ACCS: variants seen among roughly 807,000 people sequenced by gnomAD.
ACCS encodes the protein 1-aminocyclopropane-1-carboxylate synthase homolog (inactive).
A neutral mutation model predicts 59.8 loss-of-function variants in ACCS; 42 were observed. The observed-to-expected ratio is 0.70, with a 90% CI of 0.55 to 0.91. ACCS has a LOEUF of 0.91. ACCS is among the 40% of genes least tolerant of loss of function. The pLI is 0.00. For missense variants in ACCS, 602 were observed against 630.4 expected (o/e 0.95, Z 0.48); for synonymous variants, 230 against 240.3 (o/e 0.96, Z 0.40).
intron 12 of ACCS, among the ~76,000 whole-genome samples, chr11:44,081,649 A>G (rs1033694952): frequency 2.6e-5 from 4 of 152,364 alleles, no homozygotes; most frequent in African/African-American, 4.8e-5. Flanking sequence ...ATGTGAATTC[A>G]TTATGACTAG....
In ACCS at chr11:44,081,295, G is replaced by C; in HGVS notation, c.1086G>C (p.Gln362His). ...GCCTCAGTGGCTTGGTCCAGTACCAGATGGCACAGCTGCTCCGGGACCGTG... is the reference window on the plus strand; with the variant it reads ...GCCTCAGTGGCTTGGTCCAGTACCACATGGCACAGCTGCTCCGGGACCGTG... ...YHGLSGLVQY[Q>H]MAQLLRDRDW... Residue 362 changes from glutamine (Q) to histidine (H), a missense_variant, in exon 12 of 15, where the codon CAG (glutamine) becomes CAC (histidine). Transcript: ENST00000263776. 6.2e-7 allele frequency: 1 copy of C among 1,614,252 alleles called. No individual in the cohort carries two copies. Among genetic ancestry groups the C allele is most frequent in the Non-Finnish European group, 8.5e-7 (1 of 1,180,054 alleles).
intron 1 of ACCS, among the ~76,000 whole-genome samples, chr11:44,066,919 C>G (rs916220043): frequency 2.0e-5 from 3 of 152,226 alleles, no homozygotes; most frequent in African/African-American, 7.2e-5. Context: ...GTTCTAAGTA[C>G]TTTATTGTCA....
At chr11:44,067,565 C>T (rs1299919008) in intron 1 of ACCS, 63 bp from the exon 2 acceptor site, 1 of 1,515,842 alleles carries the variant, frequency 6.6e-7, no homozygotes, top group African/African-American at 1.4e-5. Context: ...ACTCCAACTC[C>T]TTTCTGATGC....
At chr11:44,078,659 C>T (rs368608110) in intron 8 of ACCS, 25 bp from the exon 9 acceptor site, 2 of 1,610,212 alleles carry the variant, frequency 1.2e-6, no homozygotes, top group African/African-American at 1.3e-5. Flanking sequence ...AGCTGAGGGT[C>T]TCCTGCCCTA....
intron 8 of ACCS, 162 bp downstream of exon 8, chr11:44,078,084 G>GA (rs1255502549): frequency 1.1e-6 from 1 of 924,132 alleles, no homozygotes; most frequent in Admixed American, 3.1e-5. Flanking sequence ...GAGTCAGGCA[G>GA]AACCCTGCCC....
At chr11:44,077,656 A>T (rs1953437792) in intron 7 of ACCS, 189 bp from the exon 8 acceptor site, 1 of 1,439,666 alleles carries the variant, frequency 6.9e-7, no homozygotes, top group Admixed American at 2.8e-5. Flanking sequence ...CCCAAGAGTG[A>T]TGAGGGGGTC....
rs757341964 is a variant in ACCS, at chr11:44,075,573, G to T, written c.537G>T (p.Thr179=). ...GGASLFSALA[T]VLCEAGEAFL... The stretch of plus-strand genomic sequence containing the variant: ...CCTCGCTCTTCTCTGCTCTGGCCAC[G>T]GTGCTGTGTGAGGCCGGGGGTAAGT... Residue 179 remains threonine, a synonymous_variant, in exon 6 of 15, where the codon ACG becomes ACT. Transcript: ENST00000263776. The T allele has an allele frequency of 3.7e-6, 6 of 1,614,024 alleles. No individual in the cohort carries two copies. The highest frequency in any genetic ancestry group is 2.5e-6 in the Non-Finnish European group (3 of 1,180,046).
Position 44,075,593 on chromosome 11 carries a change from G to A in ACCS, c.556+1G>A, listed in dbSNP as rs1033804635. Reference sequence around the variant, plus strand: ...GCCACGGTGCTGTGTGAGGCCGGGGGTAAGTGAGCTCTGTGGCCTGCCCCG... The same window carrying A: ...GCCACGGTGCTGTGTGAGGCCGGGGATAAGTGAGCTCTGTGGCCTGCCCCG... On this transcript the variant is annotated splice_donor_variant, in intron 6 of 14. Coordinates refer to ENST00000263776, the MANE Select transcript of ACCS (RefSeq NM_032592.4). LOFTEE classifies it high-confidence loss of function. The A allele has an allele frequency of 3.1e-6, 5 of 1,613,958 alleles. No individual in the cohort carries two copies. The highest frequency in any genetic ancestry group is 4.5e-5 in the East Asian group (2 of 44,882).
At chr11:44,077,252 C>T (rs1953412173) in intron 6 of ACCS, 27 bp from the exon 7 acceptor site, 1 of 1,605,612 alleles carries the variant, frequency 6.2e-7, no homozygotes, top group Non-Finnish European at 8.5e-7. Context: ...CAGAAAGTGA[C>T]AGGCCCTCGC....
rs781357465 is a variant in ACCS at position 44,083,546 on chromosome 11, C to T, written c.1377C>T (p.Val459=). ...AAGAGCCTGGTTGGTTTCGCTTTGT[C>T]TTCTCAGACCAGGTCCACCGGCTTT... ...ECKEPGWFRF[V]FSDQVHRLCL... is the part of the protein sequence containing the mutation. Residue 459 remains valine, a synonymous_variant, in exon 14 of 15, where the codon GTC becomes GTT. Transcript: ENST00000263776. 6.2e-7 allele frequency: 1 copy of T among 1,614,260 alleles called. No homozygotes were observed. Among genetic ancestry groups the T allele is most frequent in the Non-Finnish European group, 8.5e-7 (1 of 1,180,046 alleles).
At chr11:44,079,743 C>A in intron 10 of ACCS, 123 bp downstream of exon 10, 2 of 769,656 alleles carry the variant, frequency 2.6e-6, no homozygotes, top group Non-Finnish European at 2.1e-6. Flanking sequence ...CCCAGCTGGT[C>A]CCACTGGTCC....
intron 2 of ACCS, among the ~76,000 whole-genome samples, chr11:44,068,438 A>G (rs1257820106): frequency 6.6e-6 from 1 of 152,064 alleles, no homozygotes; most frequent in Non-Finnish European, 1.5e-5. Flanking sequence ...TCACTACAAA[A>G]AGGTAAAAAT....
chr11:44,078,506 C>A (rs1027094744), intron 8 of ACCS, 178 bp from the exon 9 acceptor site: 64 of 534,638 alleles, frequency 1.2e-4, no homozygotes, highest in Middle Eastern at 4.8e-4. Context: ...CCTTGTCCTC[C>A]GCCTTTATCT....
chr11:44,074,778 C>CTTTCTTTCTTTCTTTCTT (rs1565175623), intron 5 of ACCS, 97 bp downstream of exon 5: 119 of 180,274 alleles, frequency 6.6e-4, no homozygotes, highest in East Asian at 1.4e-3. Context: ...CTTTCTTTTT[C>CTTTCTTTCTTTCTTTCTT]TCTCTCTCTC....
chr11:44,067,553 T>G (rs1348389082), intron 1 of ACCS, 75 bp from the exon 2 acceptor site: 4 of 1,465,328 alleles, frequency 2.7e-6, no homozygotes, highest in Admixed American at 4.4e-5. Flanking sequence ...GGGACTCCCA[T>G]GACTCCAACT....
At chr11:44,082,971 G>C (rs1190325811) in intron 12 of ACCS, among the ~76,000 whole-genome samples, 198 bp from the exon 13 acceptor site, 1 of 152,142 alleles carries the variant, frequency 6.6e-6, no homozygotes, top group Non-Finnish European at 1.5e-5. Context: ...TGGGTTTAAG[G>C]TGCTTTACAT....
intron 3 of ACCS, chr11:44,072,213 A>C (rs1263406719): frequency 6.7e-6 from 1 of 149,776 alleles, no homozygotes; most frequent in Non-Finnish European, 1.5e-5. Context: ...GCTGGAGTGT[A>C]GTGGTGTGAT....
chr11:44,078,563 T>C (rs1192320753), intron 8 of ACCS, 121 bp from the exon 9 acceptor site: 20 of 676,088 alleles, frequency 3.0e-5, no homozygotes, highest in Non-Finnish European at 4.8e-5. Context: ...CTTCATGTTG[T>C]GTTATGAACA....
chr11:44,075,877 A>T (rs1953337634), intron 6 of ACCS: 1 of 364,998 alleles, frequency 2.7e-6, no homozygotes, highest in African/African-American at 2.0e-5. Context: ...GTCTTAGAGC[A>T]GGAAGAAAGG....
Sources: allele counts gnomAD v4.1 joint callset (sites outside exome capture counted in the v4.1 genomes callset), GRCh38; gene constraint gnomAD v4.1.1; transcripts MANE v1.5; gene names NCBI Gene and HGNC (gene_info 2026-07-23, HGNC 2026-07-21).